Variants in WDHD1 observed in about 807,000 individuals in gnomAD.
WDHD1 encodes WD repeat and HMG-box DNA binding protein 1.
WDHD1 carries 111 observed loss-of-function variants against 135.4 expected under a neutral mutation model. That is an observed-to-expected ratio of 0.82 (90% CI 0.70 to 0.96). WDHD1 has a LOEUF of 0.96. Among genes scored for constraint, WDHD1 ranks in the 40% least tolerant of loss-of-function variants. The probability of loss-of-function intolerance (pLI) is 0.00; values close to 1 mark genes in which losing one functional copy is unlikely to be tolerated. For missense variants in WDHD1, 1,351 were observed against 1,336.3 expected (o/e 1.01, Z -0.17); for synonymous variants, 434 against 439.0 (o/e 0.99, Z 0.14).
intron 15 of WDHD1, among the ~76,000 whole-genome samples, chr14:54,982,024 T>C (rs963348171): frequency 2.6e-5 from 4 of 151,736 alleles, no homozygotes; most frequent in Non-Finnish European, 5.9e-5. Flanking sequence ...ATTTTTTTTT[T>C]CGAGATGGAG....
chr14:54,949,796 C>T (rs914311622), intron 24 of WDHD1, among the ~76,000 whole-genome samples: 19 of 152,136 alleles, frequency 1.2e-4, no homozygotes, highest in African/African-American at 2.4e-4. Context: ...GCTGATCTCT[C>T]GGCAGAAACT....
chr14:55,008,188 A>G, intron 6 of WDHD1, 128 bp downstream of exon 6: 1 of 823,218 alleles, frequency 1.2e-6, no homozygotes, highest in South Asian at 2.4e-5. Flanking sequence ...TCACAAAAAC[A>G]GTATTTAATG....
intron 1 of WDHD1, 55 bp from the exon 2 acceptor site, chr14:55,026,858 G>A: frequency 6.4e-7 from 1 of 1,573,074 alleles, no homozygotes. Flanking sequence ...AAAGCAGCGA[G>A]GCTAGGGATA....
At chr14:54,969,219 T>C (rs1413801962) in intron 16 of WDHD1, among the ~76,000 whole-genome samples, 3 of 151,954 alleles carry the variant, frequency 2.0e-5, no homozygotes, top group East Asian at 1.9e-4. Flanking sequence ...TTTGTATTTT[T>C]AGTAGAGACG....
chr14:55,007,011 G>A (rs1484583286), intron 7 of WDHD1, among the ~76,000 whole-genome samples: 1 of 151,998 alleles, frequency 6.6e-6, no homozygotes, highest in Non-Finnish European at 1.5e-5. Flanking sequence ...TGGATTGCCT[G>A]AGCTCAGGAG....
intron 24 of WDHD1, among the ~76,000 whole-genome samples, chr14:54,952,046 G>C (rs2041065763): frequency 6.6e-6 from 1 of 152,168 alleles, no homozygotes; most frequent in Non-Finnish European, 1.5e-5. Flanking sequence ...TACTGAATGG[G>C]CAAAAACTGG....
chr14:54,957,690 A>T, intron 21 of WDHD1, 55 bp from the exon 22 acceptor site: 2 of 1,384,946 alleles, frequency 1.4e-6, no homozygotes, highest in South Asian at 2.5e-5. Flanking sequence ...ATGACTTCTG[A>T]CATCTATAAT....
rs115341226 is a variant in WDHD1, at chr14:54,979,191, G to A, written c.2063+2349C>T. 3.2e-3 allele frequency among the ~76,000 whole-genome samples: 490 copies of A among 151,804 alleles called. 1 individual carries two copies. The highest frequency in any genetic ancestry group is 0.011 in the African/African-American group (469 of 41,380). On this transcript the variant is annotated intron_variant, in intron 16 of 25. Transcript: ENST00000360586. Reference sequence around the variant, plus strand: ...TTTTTTTTGAGATAGGTTCTCTGTCGCCTAGACAGGAGTGCAGAGGTGTGA... The same window carrying A: ...TTTTTTTTGAGATAGGTTCTCTGTCACCTAGACAGGAGTGCAGAGGTGTGA...
intron 4 of WDHD1, among the ~76,000 whole-genome samples, chr14:55,009,821 T>C (rs1566741136): frequency 6.6e-6 from 1 of 152,134 alleles, no homozygotes; most frequent in Non-Finnish European, 1.5e-5. Flanking sequence ...TATATTTCTT[T>C]CCTTTTTTTC....
intron 16 of WDHD1, among the ~76,000 whole-genome samples, chr14:54,975,029 T>G (rs113144063): frequency 0.037 from 5,696 of 152,280 alleles, 120 homozygotes; most frequent in African/African-American, 0.05. Context: ...GGCCACAGCC[T>G]CATTTATCTT....
intron 16 of WDHD1, among the ~76,000 whole-genome samples, chr14:54,979,272 C>A (rs1001210481): frequency 6.6e-6 from 1 of 151,168 alleles, no homozygotes; most frequent in Non-Finnish European, 1.5e-5. Context: ...CCCTCTTAGC[C>A]TCTCAAGTAG....
rs369663027 is a variant in WDHD1 at position 54,962,700 on chromosome 14, T to C, written c.2647+38A>G. The C allele has an allele frequency of 1.7e-4, 267 of 1,601,424 alleles. 1 individual carries two copies. The highest frequency in any genetic ancestry group is 1.1e-4 in the Non-Finnish European group (125 of 1,168,966). ...AAAATGGGAAAAGCCACATCCATGATAGTTCTCATGATTTATGGGCTTGAA... is the reference window on the plus strand; with the variant it reads ...AAAATGGGAAAAGCCACATCCATGACAGTTCTCATGATTTATGGGCTTGAA... On this transcript the variant is annotated intron_variant, in intron 20 of 25. Transcript: ENST00000360586.
intron 24 of WDHD1, among the ~76,000 whole-genome samples, chr14:54,951,840 G>A (rs1031606932): frequency 2.0e-5 from 3 of 152,232 alleles, no homozygotes; most frequent in East Asian, 1.9e-4. Context: ...TTCAACATTC[G>A]CAAATAAATA....
At chr14:54,977,332 T>C (rs985774178) in intron 16 of WDHD1, among the ~76,000 whole-genome samples, 3 of 152,148 alleles carry the variant, frequency 2.0e-5, no homozygotes, top group African/African-American at 7.2e-5. Context: ...AAAAATAGTT[T>C]CCACTTTACA....
chr14:54,972,225 A>G (rs2041446733), intron 16 of WDHD1, among the ~76,000 whole-genome samples: 2 of 148,488 alleles, frequency 1.3e-5, no homozygotes, highest in Non-Finnish European at 3.0e-5. Context: ...CGGTGAGCCG[A>G]GATCACACCA....
intron 3 of WDHD1, among the ~76,000 whole-genome samples, chr14:55,012,272 CTACCT>C (rs1249239710): frequency 6.6e-6 from 1 of 152,148 alleles, no homozygotes; most frequent in Admixed American, 6.5e-5. Context: ...ATCATCTTAT[CTACCT>C]TAAATGCGCC....
At chr14:54,966,355 C>CAAA (rs371574367) in intron 18 of WDHD1, 120 bp downstream of exon 18, 111,750 of 1,190,910 alleles carry the variant, frequency 0.094, 2,214 homozygotes, top group South Asian at 0.13. Context: ...ACAACAACAA[C>CAAA]AAAAAAAAAC....
At position 54,962,830 on chromosome 14, in the gene WDHD1, C is replaced by T. The variant is rs749269827; in HGVS notation, c.2555G>A (p.Trp852Ter). Residue 852 changes from tryptophan (W) to a stop codon, truncating the protein, a stop_gained, in exon 20 of 26, where the codon TGG becomes TAG. Coordinates refer to ENST00000360586, the MANE Select transcript of WDHD1 (RefSeq NM_007086.4). LOFTEE classifies it high-confidence loss of function. The stretch of plus-strand genomic sequence containing the variant: ...TTGATTTCTGAACCTTGGTTGGCTC[C>T]ACTCTGTAGCAGTATTGCTGTAACT... Reference protein sequence around the residue: ...NAGYSNTATEWSQPRFRNQVE... With the variant: ...NAGYSNTATE The T allele has an allele frequency of 6.2e-7, 1 of 1,612,688 alleles. No individual in the cohort carries two copies. Among genetic ancestry groups the T allele is most frequent in the Non-Finnish European group, 8.5e-7 (1 of 1,180,024 alleles).
intron 24 of WDHD1, among the ~76,000 whole-genome samples, chr14:54,947,568 T>A (rs1437138313): frequency 6.6e-6 from 1 of 152,174 alleles, no homozygotes; most frequent in East Asian, 1.9e-4. Context: ...TATATTATGG[T>A]AAAAATGAAA....
Sources: allele counts gnomAD v4.1 joint callset (sites outside exome capture counted in the v4.1 genomes callset), GRCh38; gene constraint gnomAD v4.1.1; transcripts MANE v1.5; gene names NCBI Gene and HGNC (gene_info 2026-07-23, HGNC 2026-07-21).